The following MDGA2 variants were observed in gnomAD, a reference collection of about 807,000 sequenced individuals.
MDGA2 encodes MAM domain-containing glycosylphosphatidylinositol anchor protein 2.
MDGA2 carries 40 observed loss-of-function variants against 117.8 expected under a neutral mutation model. That is an observed-to-expected ratio of 0.34 (90% CI 0.26 to 0.44). The LOEUF (loss-of-function observed/expected upper bound fraction) is 0.44. Ranked by LOEUF, MDGA2 falls within the 20% of genes least tolerant of loss-of-function variation. The pLI is 1.00. For missense variants in MDGA2, 1,123 were observed against 1,250.6 expected (o/e 0.90, Z 1.54); for synonymous variants, 452 against 439.0 (o/e 1.03, Z -0.37).
intron 1 of MDGA2, among the ~76,000 whole-genome samples, chr14:47,540,540 G>GTGTGTATATATATATATATA: frequency 2.9e-4 from 23 of 79,212 alleles, no homozygotes; most frequent in African/African-American, 9.0e-4. Context: ...GTGTGTGTGT[G>GTGTGTATATATATATATATA]TATATATATA....
At chr14:47,312,302 C>T (rs1213069123) in intron 1 of MDGA2, among the ~76,000 whole-genome samples, 2 of 152,110 alleles carry the variant, frequency 1.3e-5, no homozygotes, top group Non-Finnish European at 2.9e-5. Context: ...TATCTGCCAT[C>T]TTCCAGATTA....
chr14:47,337,390 T>C (rs1217965295), intron 1 of MDGA2, among the ~76,000 whole-genome samples: 3 of 152,260 alleles, frequency 2.0e-5, no homozygotes, highest in Non-Finnish European at 4.4e-5. Flanking sequence ...TTACTGGCTA[T>C]TCTTCTTTCT....
chr14:47,578,608 T>A (rs951853645), intron 1 of MDGA2, among the ~76,000 whole-genome samples: 1 of 152,134 alleles, frequency 6.6e-6, no homozygotes, highest in Non-Finnish European at 1.5e-5. Context: ...GTTTTACTAA[T>A]TGTCTTTCTT....
chr14:46,969,479 T>G, intron 8 of MDGA2, among the ~76,000 whole-genome samples: 1 of 152,196 alleles, frequency 6.6e-6, no homozygotes, highest in East Asian at 1.9e-4. Flanking sequence ...GTGGTTTTGA[T>G]TTGCATTTCT....
At chr14:47,657,998 T>C (rs991647290) in intron 1 of MDGA2, among the ~76,000 whole-genome samples, 1 of 152,106 alleles carries the variant, frequency 6.6e-6, no homozygotes, top group African/African-American at 2.4e-5. Context: ...ATATGTAGGG[T>C]ACCTGTGCTT....
At chr14:47,249,780 T>G (rs549392882) in intron 2 of MDGA2, among the ~76,000 whole-genome samples, 12 of 152,298 alleles carry the variant, frequency 7.9e-5, no homozygotes, top group African/African-American at 2.9e-4. Context: ...TCCTACGGAG[T>G]AAGACACTTA....
intron 3 of MDGA2, among the ~76,000 whole-genome samples, chr14:47,158,891 T>C (rs188669077): frequency 2.0e-3 from 305 of 152,330 alleles, no homozygotes; most frequent in Middle Eastern, 6.8e-3. Context: ...AAGCCATGAA[T>C]ACACATGGAG....
At position 47,582,354 on chromosome 14, in the gene MDGA2, C is replaced by A. The variant is rs1896244372; in HGVS notation, c.280+92163G>T. On this transcript the variant is annotated intron_variant, in intron 1 of 16. Transcript: ENST00000399232. Reference sequence around the variant, plus strand: ...GCAACAGCAAAGATGGAATCACAATCAATTCATGTTTTAAAAATGTGATGA... The same window carrying A: ...GCAACAGCAAAGATGGAATCACAATAAATTCATGTTTTAAAAATGTGATGA... Among the ~76,000 whole-genome samples the A allele has an allele frequency of 3.3e-5, 5 of 151,946 alleles. No homozygotes were observed. The South Asian group carries it at 1.0e-3, about 31-fold the overall frequency.
At chr14:47,417,807 G>A (rs908046046) in intron 1 of MDGA2, among the ~76,000 whole-genome samples, 1 of 151,972 alleles carries the variant, frequency 6.6e-6, no homozygotes, top group Non-Finnish European at 1.5e-5. Context: ...GGCCTCCTTG[G>A]AGCTCAAGCA....
intron 1 of MDGA2, among the ~76,000 whole-genome samples, chr14:47,397,598 C>T (rs563603666): frequency 8.6e-5 from 13 of 151,922 alleles, no homozygotes; most frequent in East Asian, 3.8e-4. Flanking sequence ...TAAAAGAAAG[C>T]GTAGGCAAAT....
In MDGA2 at chr14:47,610,576, A is replaced by AAAC. The variant is rs569248521; in HGVS notation, c.280+63938_280+63940dup. Among the ~76,000 whole-genome samples the AAAC allele has an allele frequency of 6.4e-3, 969 of 151,638 alleles. 6 individuals carry two copies. The highest frequency in any genetic ancestry group is 8.4e-3 in the Non-Finnish European group (572 of 67,812). ...CCTTTTACAATAGCTAAAAACAAAC[A>AAAC]AACAACAACAACAACAACAACAACA... On this transcript the variant is annotated intron_variant, in intron 1 of 16. Coordinates refer to ENST00000399232, the MANE Select transcript of MDGA2 (RefSeq NM_001113498.3).
chr14:47,319,116 T>G (rs1267181436), intron 1 of MDGA2, among the ~76,000 whole-genome samples: 6 of 152,208 alleles, frequency 3.9e-5, no homozygotes, highest in Non-Finnish European at 5.9e-5. Context: ...CACATTATGA[T>G]TGTATTACAA....
At chr14:47,333,302 T>C (rs1329900671) in intron 1 of MDGA2, among the ~76,000 whole-genome samples, 1 of 151,930 alleles carries the variant, frequency 6.6e-6, no homozygotes, top group Non-Finnish European at 1.5e-5. Flanking sequence ...CTCATCGACC[T>C]CTGTCATTTT....
chr14:47,620,737 A>T (rs986920057), intron 1 of MDGA2, among the ~76,000 whole-genome samples: 1 of 152,186 alleles, frequency 6.6e-6, no homozygotes, highest in Non-Finnish European at 1.5e-5. Flanking sequence ...GGAAGAAGAG[A>T]GAAATTGAAA....
intron 10 of MDGA2, among the ~76,000 whole-genome samples, chr14:46,885,853 G>C (rs144005789): frequency 6.6e-6 from 1 of 152,218 alleles, no homozygotes; most frequent in South Asian, 2.1e-4. Flanking sequence ...TTGATTGTGC[G>C]TCACATCTGA....
At chr14:47,438,261 A>G (rs1892935906) in intron 1 of MDGA2, among the ~76,000 whole-genome samples, 2 of 152,156 alleles carry the variant, frequency 1.3e-5, no homozygotes, top group South Asian at 2.1e-4. Flanking sequence ...CTCATCTTCA[A>G]TACAAGAGTA....
At chr14:47,070,991 C>T (rs1469516394) in intron 6 of MDGA2, among the ~76,000 whole-genome samples, 6 of 152,210 alleles carry the variant, frequency 3.9e-5, no homozygotes, top group African/African-American at 1.2e-4. Flanking sequence ...AATCTCTCTC[C>T]CCACATGGGA....
intron 1 of MDGA2, among the ~76,000 whole-genome samples, chr14:47,362,205 G>C (rs1191144543): frequency 6.6e-6 from 1 of 152,100 alleles, no homozygotes; most frequent in African/African-American, 2.4e-5. Context: ...AGGGAATATA[G>C]ACATCTTCAT....
At chr14:47,647,607 A>T (rs1897559858) in intron 1 of MDGA2, among the ~76,000 whole-genome samples, 1 of 152,188 alleles carries the variant, frequency 6.6e-6, no homozygotes. Flanking sequence ...AAAGTAGTTC[A>T]CATTACCCAT....
Sources: allele counts gnomAD v4.1 joint callset (sites outside exome capture counted in the v4.1 genomes callset), GRCh38; gene constraint gnomAD v4.1.1; transcripts MANE v1.5; gene names NCBI Gene and HGNC (gene_info 2026-07-23, HGNC 2026-07-21).